The following OST4 variants were observed in gnomAD, a reference collection of about 807,000 sequenced individuals.
The protein encoded by OST4 is oligosaccharyltransferase complex subunit 4, non-catalytic.
A neutral mutation model predicts 2.1 loss-of-function variants in OST4; 3 were observed. The observed-to-expected ratio is 1.42, with a 90% CI of 0.65 to 3.67. The LOEUF (loss-of-function observed/expected upper bound fraction) is 3.67, where lower values mean the gene tolerates loss of function less well. Among genes scored for constraint, OST4 ranks in the 30% most tolerant of loss-of-function variants. OST4 has a pLI of 0.03. For synonymous variants in OST4, 23 were observed against 21.6 expected, an observed-to-expected ratio of 1.06 and a Z score of -0.18; for missense variants, 52 against 47.1, an observed-to-expected ratio of 1.10 and a Z score of -0.30.
At position 27,070,600 on chromosome 2, in the gene OST4, TA is replaced by T. The variant is rs1330878436; in HGVS notation, c.*144del. On this transcript the variant is annotated 3_prime_UTR_variant, in exon 3 of 3. Coordinates refer to ENST00000456793, the MANE Select transcript of OST4 (RefSeq NM_001134693.2). ...AGGATTAAGGAAGACTCTGAGGAAA[TA>T]AAAGTTGTTTGGAAAAATCCAGGTG... The T allele has an allele frequency of 4.4e-6, 1 of 226,014 alleles. No individual in the cohort carries two copies. The highest frequency in any genetic ancestry group is 8.7e-6 in the Non-Finnish European group (1 of 114,494). The allele number at this position is 226,014 out of a possible 1,614,324, so 14.0% of individuals were successfully genotyped here.
chr2:27,070,986 G>A (rs1351592364), intron 2 of OST4, among the ~76,000 whole-genome samples: 2 of 152,142 alleles, frequency 1.3e-5, no homozygotes, highest in South Asian at 4.1e-4. Context: ...TGGGGAAAAT[G>A]AGGGCTATTT....
chr2:27,071,183 T>G, intron 2 of OST4, 143 bp downstream of exon 2: 1 of 598,136 alleles, frequency 1.7e-6, no homozygotes, highest in Admixed American at 2.8e-5. Flanking sequence ...CTCTCTCTAC[T>G]CTGTGCAGAC....
rs78936443 is a variant in OST4 at position 27,071,206 on chromosome 2, T to C, written c.*23+120A>G. The stretch of plus-strand genomic sequence containing the variant: ...ACTCTGTGCAGACAAAGGGGCCCAG[T>C]TCTGGACTGTATCATGCTTGGCCCG... On this transcript the variant is annotated intron_variant, in intron 2 of 2. Coordinates refer to ENST00000456793, the MANE Select transcript of OST4 (RefSeq NM_001134693.2). 2.7e-3 allele frequency: 1,786 copies of C among 656,382 alleles called. 18 individuals carry two copies. In the African/African-American group the frequency reaches 0.029, roughly 11 times the overall value. The allele number at this position is 656,382 out of a possible 1,614,324, so 40.7% of individuals were successfully genotyped here. A position where few individuals can be genotyped will look rare whatever the true frequency, so the allele number is the denominator to read the frequency against.
At position 27,071,480 on chromosome 2, in the gene OST4, G is replaced by A; in HGVS notation, c.-1-17C>T. On this transcript the variant is annotated splice_polypyrimidine_tract_variant and intron_variant, in intron 1 of 2. Transcript: ENST00000456793. ...GTGATCATCCTGCGGAGAAGAGAGG[G>A]GCTGAGCTGCGGGCTGGCGCACTCC... is the stretch of plus-strand genomic sequence containing the variant. 3 of 1,542,862 alleles carry A rather than the reference G, an allele frequency of 1.9e-6. No individual in the cohort carries two copies. Among genetic ancestry groups the A allele is most frequent in the South Asian group, 2.4e-5 (2 of 83,926 alleles).
chr2:27,071,382 G>C lies in OST4; in HGVS notation c.81C>G (p.Tyr27Ter). The C allele has an allele frequency of 6.4e-7, 1 of 1,551,698 alleles. No homozygotes were observed. The highest frequency in any genetic ancestry group is 8.7e-7 in the Non-Finnish European group (1 of 1,146,966). Residue 27 changes from tyrosine (Y) to a stop codon, truncating the protein, a stop_gained, in exon 2 of 3, where the codon TAC becomes TAG. Coordinates refer to ENST00000456793, the MANE Select transcript of OST4 (RefSeq NM_001134693.2). LOFTEE classifies it high-confidence loss of function. ...SLFLLVVLYH[Y>*]VAVNNPKKQE Reference sequence around the variant, plus strand: ...GCTTCTTGGGATTGTTGACGGCCACGTAGTGATAGAGAACGACAAGCAAGA... The same window carrying C: ...GCTTCTTGGGATTGTTGACGGCCACCTAGTGATAGAGAACGACAAGCAAGA...
chr2:27,071,523 C>T lies in OST4; in HGVS notation c.-1-60G>A, dbSNP rs566141210. ...CGCACTCCTCGCCCTCGCAAGAACC[C>T]GTCCTCGCCCCACGGGCCAGCCACG... On this transcript the variant is annotated intron_variant, in intron 1 of 2. Coordinates refer to ENST00000456793, the MANE Select transcript of OST4 (RefSeq NM_001134693.2). The T allele has an allele frequency of 4.1e-4, 581 of 1,401,670 alleles. 5 individuals are homozygous for T. In the South Asian group the frequency reaches 6.9e-3, roughly 17 times the overall value. The allele number at this position is 1,401,670 out of a possible 1,614,324, so 86.8% of individuals were successfully genotyped here. A position where few individuals can be genotyped will look rare whatever the true frequency, so the allele number is the denominator to read the frequency against.
chr2:27,071,559 C>G, intron 1 of OST4, 42 bp downstream of exon 1: 2 of 832,472 alleles, frequency 2.4e-6, no homozygotes, highest in Non-Finnish European at 3.6e-6. Context: ...GCCACGGCCA[C>G]GGCGGGGCTG....
Position 27,071,397 on chromosome 2 carries a change from G to C in OST4, c.66C>G (p.Val22=), listed in dbSNP as rs754468548. The change falls in exon 2 of 3, where the codon GTC becomes GTG. Residue 22 remains valine, a synonymous_variant. Coordinates refer to ENST00000456793, the MANE Select transcript of OST4 (RefSeq NM_001134693.2). The part of the protein sequence containing the change: ...NMLGVSLFLL[V]VLYHYVAVNN... ...TGACGGCCACGTAGTGATAGAGAAC[G>C]ACAAGCAAGAAGAGCGACACGCCCA... 5 of 1,551,696 alleles carry C rather than the reference G, an allele frequency of 3.2e-6. No homozygotes were observed. The highest frequency in any genetic ancestry group is 1.2e-5 in the South Asian group (1 of 84,062).
At position 27,071,413 on chromosome 2, in the gene OST4, G is replaced by A; in HGVS notation, c.50C>T (p.Ser17Leu). The A allele has an allele frequency of 1.9e-6, 3 of 1,551,702 alleles. No individual in the cohort carries two copies. Among genetic ancestry groups the A allele is most frequent in the Non-Finnish European group, 2.6e-6 (3 of 1,146,978 alleles). Reference sequence around the variant, plus strand: ...ATAGAGAACGACAAGCAAGAAGAGCGACACGCCCAGCATGTTGGCGAAGAT... The same window carrying A: ...ATAGAGAACGACAAGCAAGAAGAGCAACACGCCCAGCATGTTGGCGAAGAT... ...LAIFANMLGV[S>L]LFLLVVLYHY... Residue 17 changes from serine (S) to leucine (L), a missense_variant, in exon 2 of 3, where the codon TCG (serine) becomes TTG (leucine). Ser to Leu is a moderately radical substitution (Grantham distance 145). Coordinates refer to ENST00000456793, the MANE Select transcript of OST4 (RefSeq NM_001134693.2).
Position 27,070,722 on chromosome 2 carries a change from C to T in OST4, c.*24-1G>A, listed in dbSNP as rs910346533. On this transcript the variant is annotated splice_acceptor_variant, in intron 2 of 2. Coordinates refer to ENST00000456793, the MANE Select transcript of OST4 (RefSeq NM_001134693.2). LOFTEE classifies it low-confidence loss of function (3UTR_SPLICE). The stretch of plus-strand genomic sequence containing the variant: ...TTGCCTCAGACTATGTCCTGGAACC[C>T]TAGAAAAGAGGGGGAAAGACCTGAG... 3.1e-5 allele frequency: 5 copies of T among 159,138 alleles called. No homozygotes were observed. Among genetic ancestry groups the T allele is most frequent in the Non-Finnish European group, 5.6e-5 (4 of 71,812 alleles). The allele number at this position is 159,138 out of a possible 1,614,324, so 9.9% of individuals were successfully genotyped here.
In OST4 at chr2:27,071,311, G is replaced by A. The variant is rs764541518; in HGVS notation, c.*23+15C>T. On this transcript the variant is annotated intron_variant, in intron 2 of 2. Coordinates refer to ENST00000456793, the MANE Select transcript of OST4 (RefSeq NM_001134693.2). ...TCAGCTCTGGGGACTGGGCGCTACA[G>A]CCCCGGGCCGTTACCTGGGGCGGAG... 3.3e-6 allele frequency: 5 copies of A among 1,509,466 alleles called. No individual in the cohort carries two copies. The East Asian group carries it at 9.8e-5, about 30-fold the overall frequency. 93.5% of individuals were successfully genotyped at this position (1,509,466 alleles called of 1,614,324 possible).
At position 27,071,320 on chromosome 2, in the gene OST4, C is replaced by T. The variant is rs1481240656; in HGVS notation, c.*23+6G>A. On this transcript the variant is annotated splice_donor_region_variant and intron_variant, in intron 2 of 2. Transcript: ENST00000456793. ...GGGACTGGGCGCTACAGCCCCGGGC[C>T]GTTACCTGGGGCGGAGAAAGCGCCA... is the stretch of plus-strand genomic sequence containing the variant. The T allele has an allele frequency of 1.3e-6, 2 of 1,517,148 alleles. No individual in the cohort carries two copies. Among genetic ancestry groups the T allele is most frequent in the Non-Finnish European group, 1.8e-6 (2 of 1,116,004 alleles). 94.0% of individuals were successfully genotyped at this position (1,517,148 alleles called of 1,614,324 possible). A position where few individuals can be genotyped will look rare whatever the true frequency, so the allele number is the denominator to read the frequency against.
chr2:27,070,927 G>C (rs573110553), intron 2 of OST4, among the ~76,000 whole-genome samples: 6 of 152,154 alleles, frequency 3.9e-5, no homozygotes, highest in African/African-American at 9.6e-5. Flanking sequence ...TTCTACATCT[G>C]TCACCCCCCT....
At chr2:27,070,981 A>G (rs895172595) in intron 2 of OST4, among the ~76,000 whole-genome samples, 3 of 152,192 alleles carry the variant, frequency 2.0e-5, no homozygotes, top group Middle Eastern at 3.2e-3. Context: ...CAACCTGGGG[A>G]AAATGAGGGC....
chr2:27,071,521 C>G (rs1669271417), intron 1 of OST4, 58 bp from the exon 2 acceptor site: 1 of 1,409,194 alleles, frequency 7.1e-7, no homozygotes, highest in African/African-American at 1.4e-5. Flanking sequence ...CTCGCAAGAA[C>G]CCGTCCTCGC....
In OST4 at chr2:27,071,482, C is replaced by G; in HGVS notation, c.-1-19G>C. 6.5e-7 allele frequency: 1 copy of G among 1,541,420 alleles called. No individual in the cohort carries two copies. The highest frequency in any genetic ancestry group is 8.8e-7 in the Non-Finnish European group (1 of 1,138,908). On this transcript the variant is annotated intron_variant, in intron 1 of 2. Coordinates refer to ENST00000456793, the MANE Select transcript of OST4 (RefSeq NM_001134693.2). ...GATCATCCTGCGGAGAAGAGAGGGG[C>G]TGAGCTGCGGGCTGGCGCACTCCTC...
At position 27,071,469 on chromosome 2, in the gene OST4, G is replaced by A; in HGVS notation, c.-1-6C>T. 5.8e-6 allele frequency: 9 copies of A among 1,548,394 alleles called. No individual in the cohort carries two copies. Among genetic ancestry groups the A allele is most frequent in the South Asian group, 1.2e-5 (1 of 84,020 alleles). On this transcript the variant is annotated splice_region_variant and splice_polypyrimidine_tract_variant and intron_variant, in intron 1 of 2. Coordinates refer to ENST00000456793, the MANE Select transcript of OST4 (RefSeq NM_001134693.2). ...GCTGCACGTCCGTGATCATCCTGCG[G>A]AGAAGAGAGGGGCTGAGCTGCGGGC...
chr2:27,070,514 G>T lies in OST4; in HGVS notation c.*231C>A. On this transcript the variant is annotated 3_prime_UTR_variant, in exon 3 of 3. Transcript: ENST00000456793. ...AAAGTCTATATTTTTATATTGGGGG[G>T]AGGGAGTAGAAAAGCAAGCCCCTAT... 4.2e-6 allele frequency: 2 copies of T among 477,332 alleles called. No homozygotes were observed. The highest frequency in any genetic ancestry group is 6.5e-5 in the South Asian group (2 of 30,920). The allele number at this position is 477,332 out of a possible 1,614,324, so 29.6% of individuals were successfully genotyped here.
At chr2:27,070,937 T>A (rs1020887088) in intron 2 of OST4, among the ~76,000 whole-genome samples, 4 of 151,910 alleles carry the variant, frequency 2.6e-5, no homozygotes, top group African/African-American at 9.7e-5. Flanking sequence ...GTCACCCCCC[T>A]CACCAAAAAA....
Sources: gnomAD v4.1 joint callset for allele counts (sites outside exome capture counted in the v4.1 genomes callset) on GRCh38, gnomAD v4.1.1 for gene constraint, MANE v1.5 for transcripts, NCBI Gene and HGNC (gene_info 2026-07-23, HGNC 2026-07-21) for gene names.